Variants in AFF1 observed in about 807,000 individuals in gnomAD.
AFF1 encodes ALF transcription elongation factor 1.
Under a neutral mutation model 121.7 loss-of-function variants are expected in AFF1, and 48 were observed. The observed-to-expected ratio is 0.39, with a 90% CI of 0.31 to 0.50. AFF1 has a LOEUF of 0.50. Ranked by LOEUF, AFF1 falls within the 20% of genes least tolerant of loss-of-function variation. The pLI is 0.76. For synonymous variants in AFF1, 613 were observed against 563.0 expected (o/e 1.09, Z -1.26); for missense variants, 1,523 against 1,511.7 (o/e 1.01, Z -0.12).
chr4:87,072,543 A>T (rs1481881301), intron 4 of AFF1, among the ~76,000 whole-genome samples: 1 of 151,742 alleles, frequency 6.6e-6, no homozygotes, highest in Admixed American at 6.6e-5. Flanking sequence ...TATTTTTGAG[A>T]TGGAGTTTTG....
At chr4:87,062,348 A>C (rs1260842995) in intron 4 of AFF1, among the ~76,000 whole-genome samples, 1 of 152,044 alleles carries the variant, frequency 6.6e-6, no homozygotes, top group Non-Finnish European at 1.5e-5. Flanking sequence ...TGCTCCCTCA[A>C]ACCCCTTTAT....
chr4:86,950,367 C>T (rs1721224053), intron 2 of AFF1, among the ~76,000 whole-genome samples: 1 of 152,126 alleles, frequency 6.6e-6, no homozygotes, highest in South Asian at 2.1e-4. Flanking sequence ...GACGGGGTTT[C>T]ACCATGTTGG....
At chr4:86,952,774 G>A (rs952605331) in intron 2 of AFF1, among the ~76,000 whole-genome samples, 3 of 146,010 alleles carry the variant, frequency 2.1e-5, no homozygotes, top group Admixed American at 1.4e-4. Context: ...TCTGCCTCCC[G>A]GGTTCAAGCG....
chr4:86,982,051 C>T (rs1723794962), intron 2 of AFF1, among the ~76,000 whole-genome samples: 1 of 152,152 alleles, frequency 6.6e-6, no homozygotes, highest in African/African-American at 2.4e-5. Flanking sequence ...TGAGATTCTG[C>T]AGAATGTTAA....
In AFF1 at chr4:87,132,352, T is replaced by C. The variant is rs748350507; in HGVS notation, c.3255T>C (p.Asn1085=). 1.9e-6 allele frequency: 3 copies of C among 1,613,532 alleles called. No individual in the cohort carries two copies. The highest frequency in any genetic ancestry group is 2.7e-5 in the African/African-American group (2 of 75,022). ...CAATAAAGTATTCTCGTACTCTTAA[T>C]AAACACTTCGAGAGTTCTTCCAAAG... ...DIAIKYSRTL[N]KHFESSSKVA... The change falls in exon 19 of 21, where the codon AAT becomes AAC. Residue 1085 remains asparagine, a synonymous_variant. Coordinates refer to ENST00000395146, the MANE Select transcript of AFF1 (RefSeq NM_001166693.3).
chr4:87,113,911 A>G (rs190686806), intron 11 of AFF1, among the ~76,000 whole-genome samples: 8 of 152,300 alleles, frequency 5.3e-5, no homozygotes, highest in African/African-American at 1.9e-4. Flanking sequence ...AGTCATCTTT[A>G]GTTGAAAAAT....
chr4:87,126,090 TCACTCCAGG>T lies in AFF1; in HGVS notation c.2574-7_2575del. On this transcript the variant is annotated splice_acceptor_variant and splice_polypyrimidine_tract_variant and coding_sequence_variant and intron_variant, in exon 14 of 21. Transcript: ENST00000395146. LOFTEE classifies it high-confidence loss of function. ...CCTCCTCTTAGTTTTACGTGATGTTTCACTCCAGGCCCTCCAGGCCCTCCTCACAGTCCT... is the reference window on the plus strand; with the variant it reads ...CCTCCTCTTAGTTTTACGTGATGTTTCCCTCCAGGCCCTCCTCACAGTCCT... The T allele has an allele frequency of 6.2e-7, 1 of 1,613,460 alleles. No individual in the cohort carries two copies. Among genetic ancestry groups the T allele is most frequent in the Non-Finnish European group, 8.5e-7 (1 of 1,179,456 alleles).
intron 1 of AFF1, chr4:86,935,835 T>C (rs1719938552): frequency 6.6e-6 from 1 of 152,126 alleles, no homozygotes; most frequent in African/African-American, 2.4e-5. Context: ...GAGGCGTCTT[T>C]AGTATGGGAC....
At chr4:87,058,826 C>G (rs1720427279) in intron 4 of AFF1, among the ~76,000 whole-genome samples, 1 of 152,106 alleles carries the variant, frequency 6.6e-6, no homozygotes, top group Admixed American at 6.5e-5. Flanking sequence ...TACTTGCAAC[C>G]CATTGCAGCC....
intron 2 of AFF1, among the ~76,000 whole-genome samples, chr4:86,977,960 G>A (rs990127479): frequency 1.3e-5 from 2 of 152,092 alleles, no homozygotes; most frequent in Non-Finnish European, 2.9e-5. Context: ...TGAGTCAGAC[G>A]TGTACTCTGC....
chr4:86,983,711 ATG>A (rs1578895020), intron 2 of AFF1, among the ~76,000 whole-genome samples: 2 of 147,066 alleles, frequency 1.4e-5, no homozygotes, highest in Non-Finnish European at 3.0e-5. Flanking sequence ...TCTGTCTCAA[ATG>A]AAAAACCAAA....
At chr4:87,051,536 C>T (rs1451888938) in intron 4 of AFF1, among the ~76,000 whole-genome samples, 1 of 151,942 alleles carries the variant, frequency 6.6e-6, no homozygotes, top group Non-Finnish European at 1.5e-5. Context: ...TCTTGGCTCA[C>T]TGCAACCTCC....
chr4:87,067,042 T>C (rs923609939), intron 4 of AFF1, among the ~76,000 whole-genome samples: 1 of 152,254 alleles, frequency 6.6e-6, no homozygotes, highest in Non-Finnish European at 1.5e-5. Context: ...TATTAAAAGT[T>C]ACAGAATTTG....
At chr4:87,125,885 C>G (rs1213717210) in intron 13 of AFF1, among the ~76,000 whole-genome samples, 1 of 152,128 alleles carries the variant, frequency 6.6e-6, no homozygotes, top group African/African-American at 2.4e-5. Context: ...GCAGACTCTG[C>G]AAGCTTAGAA....
At chr4:86,954,185 T>C (rs1487219039) in intron 2 of AFF1, among the ~76,000 whole-genome samples, 1 of 152,216 alleles carries the variant, frequency 6.6e-6, no homozygotes, top group Non-Finnish European at 1.5e-5. Context: ...TATAATCATA[T>C]AGCATATACT....
At chr4:87,110,014 A>G (rs570412712) in intron 11 of AFF1, among the ~76,000 whole-genome samples, 1 of 152,274 alleles carries the variant, frequency 6.6e-6, no homozygotes, top group East Asian at 1.9e-4. Context: ...TACAATAAAT[A>G]CCTGCATTAT....
intron 2 of AFF1, among the ~76,000 whole-genome samples, chr4:87,013,342 A>G (rs1232842274): frequency 6.6e-6 from 1 of 152,104 alleles, no homozygotes; most frequent in Non-Finnish European, 1.5e-5. Context: ...GTCCGGCTGA[A>G]CTGCTATCAA....
rs571109567 is a variant in AFF1, at chr4:87,135,499, C to A, written c.3536-81C>A. ...TATTGTGGGGACCTACCTTCTGGAA[C>A]CTTGAATTTTTGTTTCCATTTTAAT... On this transcript the variant is annotated intron_variant, in intron 20 of 20. Coordinates refer to ENST00000395146, the MANE Select transcript of AFF1 (RefSeq NM_001166693.3). 1.2e-5 allele frequency: 17 copies of A among 1,396,762 alleles called. No homozygotes were observed. In the East Asian group the frequency reaches 4.1e-4, roughly 34 times the overall value. The allele number at this position is 1,396,762 out of a possible 1,614,324, so 86.5% of individuals were successfully genotyped here. A position where few individuals can be genotyped will look rare whatever the true frequency, so the allele number is the denominator to read the frequency against.
At chr4:86,937,905 C>G (rs1006577172) in intron 1 of AFF1, among the ~76,000 whole-genome samples, 17 of 152,138 alleles carry the variant, frequency 1.1e-4, no homozygotes, top group African/African-American at 4.1e-4. Context: ...CGTGCCTGGC[C>G]TACAAGTCAC....
Sources: allele counts gnomAD v4.1 joint callset (sites outside exome capture counted in the v4.1 genomes callset), GRCh38; gene constraint gnomAD v4.1.1; transcripts MANE v1.5; gene names NCBI Gene and HGNC (gene_info 2026-07-23, HGNC 2026-07-21).